Variants in SCAF8 observed in about 807,000 individuals in gnomAD.
SCAF8 encodes the protein SR-related CTD associated factor 8, also known as SR-related and CTD-associated factor 8.
In SCAF8, 23 loss-of-function variants were observed where a neutral mutation model predicts 140.5. That is an observed-to-expected ratio of 0.16 (90% CI 0.12 to 0.23). SCAF8 has a LOEUF of 0.23. Ranked by LOEUF, SCAF8 falls within the 10% of genes least tolerant of loss-of-function variation. SCAF8 has a pLI of 1.00. For synonymous variants in SCAF8, 575 were observed against 528.9 expected (o/e 1.09, Z -1.20); for missense variants, 1,397 against 1,555.7 (o/e 0.90, Z 1.72).
At position 154,773,991 on chromosome 6, in the gene SCAF8, G is replaced by A. The variant is rs757536864; in HGVS notation, c.33G>A (p.Leu11=). The A allele has an allele frequency of 1.9e-6, 3 of 1,606,162 alleles. No individual in the cohort carries two copies. Among genetic ancestry groups the A allele is most frequent in the Non-Finnish European group, 2.6e-6 (3 of 1,173,982 alleles). The change falls in exon 2 of 20, where the codon TTG becomes TTA. Residue 11 remains leucine, a splice_region_variant and synonymous_variant. Transcript: ENST00000367178. The part of the protein sequence containing the change: MEAVKTFNSE[L]YSLNDYKPPI... ...TAAATTTGTTCTTTTTTCATCAGTT[G>A]TATTCCCTGAATGACTATAAACCAC...
At position 154,775,488 on chromosome 6, in the gene SCAF8, A is replaced by G. The variant is rs183075126; in HGVS notation, c.114+1416A>G. ...GCAGAGTACTTTCTTAATAGAGTTAATGAGGTATAGGTGCAAACAGTATTT... is the reference window on the plus strand; with the variant it reads ...GCAGAGTACTTTCTTAATAGAGTTAGTGAGGTATAGGTGCAAACAGTATTT... On this transcript the variant is annotated intron_variant, in intron 2 of 19. Coordinates refer to ENST00000367178, the MANE Select transcript of SCAF8 (RefSeq NM_014892.5). 3.9e-5 allele frequency among the ~76,000 whole-genome samples: 6 copies of G among 152,312 alleles called. No homozygotes were observed. The East Asian group carries it at 1.2e-3, about 29-fold the overall frequency.
In SCAF8 at chr6:154,812,735, A is replaced by G. The variant is rs146574134; in HGVS notation, c.1420+2527A>G. ...GTGAATAATAACATTCCAGGAATCA[A>G]GTGTCCCTTCTGCATGGGATGACAA... On this transcript the variant is annotated intron_variant, in intron 12 of 19. Transcript: ENST00000367178. 9.8e-3 allele frequency among the ~76,000 whole-genome samples: 1,487 copies of G among 152,306 alleles called. 30 individuals carry two copies. Among genetic ancestry groups the G allele is most frequent in the African/African-American group, 0.034 (1,408 of 41,550 alleles).
intron 15 of SCAF8, among the ~76,000 whole-genome samples, chr6:154,821,004 C>T (rs1778406732): frequency 6.6e-6 from 1 of 152,120 alleles, no homozygotes; most frequent in Non-Finnish European, 1.5e-5. Context: ...ATTTGTTTCT[C>T]AGACCAAGGT....
intron 1 of SCAF8, among the ~76,000 whole-genome samples, chr6:154,736,391 C>A (rs1056756840): frequency 2.0e-5 from 3 of 151,696 alleles, no homozygotes; most frequent in African/African-American, 7.3e-5. Context: ...CTGCTTCAGC[C>A]TCCGGAGTAG....
At chr6:154,757,114 ATCC>A (rs1403044392) in intron 1 of SCAF8, among the ~76,000 whole-genome samples, 2 of 152,082 alleles carry the variant, frequency 1.3e-5, no homozygotes, top group Non-Finnish European at 2.9e-5. Flanking sequence ...GGTTCAAGCA[ATCC>A]TCCTGAGCAG....
chr6:154,755,259 A>G (rs1017737858), intron 1 of SCAF8, among the ~76,000 whole-genome samples: 3 of 151,886 alleles, frequency 2.0e-5, no homozygotes, highest in African/African-American at 7.3e-5. Flanking sequence ...TTATTAGATT[A>G]TTATTATTTT....
intron 3 of SCAF8, among the ~76,000 whole-genome samples, chr6:154,783,204 A>G (rs1052738558): frequency 4.6e-5 from 7 of 152,180 alleles, no homozygotes; most frequent in Admixed American, 3.3e-4. Context: ...GAGTTTACCC[A>G]ACTCTTTTTG....
intron 1 of SCAF8, among the ~76,000 whole-genome samples, chr6:154,753,479 T>TA (rs957668313): frequency 6.0e-5 from 8 of 133,810 alleles, no homozygotes; most frequent in Non-Finnish European, 8.0e-5. Context: ...AAAAATAAAT[T>TA]AAAAAAAAAA....
At chr6:154,792,771 A>AC (rs1166146118) in intron 4 of SCAF8, 52 bp from the exon 5 acceptor site, 2 of 1,333,100 alleles carry the variant, frequency 1.5e-6, no homozygotes, top group Non-Finnish European at 1.0e-6. Flanking sequence ...AAATGACTGT[A>AC]CTAAGGTTTT....
chr6:154,737,097 G>T (rs61160216), intron 1 of SCAF8, among the ~76,000 whole-genome samples: 6,137 of 152,214 alleles, frequency 0.04, 401 homozygotes, highest in African/African-American at 0.14. Context: ...CTGAGAAGTA[G>T]TTCAGTAATG....
At position 154,832,624 on chromosome 6, in the gene SCAF8, T is replaced by A; in HGVS notation, c.3045T>A (p.Asp1015Glu). The change falls in exon 20 of 20, where the codon GAT becomes GAA. Residue 1015 changes from aspartate to glutamate, a missense_variant. Physicochemically the swap from Asp to Glu is conservative, Grantham distance 45. Coordinates refer to ENST00000367178, the MANE Select transcript of SCAF8 (RefSeq NM_014892.5). ...ACATTCAACAGGAAGGAGATAGAGA[T>A]TACCGGTTTCCTCCTATAGAAACCA... Reference protein sequence around the residue: ...NDNIQQEGDRDYRFPPIETRE... With the variant: ...NDNIQQEGDREYRFPPIETRE... The A allele has an allele frequency of 6.2e-7, 1 of 1,614,054 alleles. No individual in the cohort carries two copies. The highest frequency in any genetic ancestry group is 8.5e-7 in the Non-Finnish European group (1 of 1,179,972).
chr6:154,799,988 G>T, intron 6 of SCAF8, among the ~76,000 whole-genome samples: 1 of 151,246 alleles, frequency 6.6e-6, no homozygotes, highest in Non-Finnish European at 1.5e-5. Flanking sequence ...GTTTCACCTT[G>T]TTGGCCAGGC....
At chr6:154,744,455 C>T (rs1158775238) in intron 1 of SCAF8, among the ~76,000 whole-genome samples, 1 of 152,042 alleles carries the variant, frequency 6.6e-6, no homozygotes, top group African/African-American at 2.4e-5. Flanking sequence ...TATACTCTGC[C>T]CTCTTTTTCT....
chr6:154,784,155 A>ATATTTATTTATT (rs1160861616), intron 3 of SCAF8, among the ~76,000 whole-genome samples: 27 of 92,002 alleles, frequency 2.9e-4, no homozygotes, highest in Middle Eastern at 7.0e-3. Context: ...ATATATATAT[A>ATATTTATTTATT]TATTTATTTA....
At chr6:154,810,667 A>G (rs1416292906) in intron 12 of SCAF8, among the ~76,000 whole-genome samples, 5 of 152,232 alleles carry the variant, frequency 3.3e-5, no homozygotes, top group African/African-American at 1.2e-4. Context: ...TTGCACGGTT[A>G]CATGTTAGTC....
chr6:154,820,119 C>G (rs1778373066), intron 14 of SCAF8, 58 bp from the exon 15 acceptor site: 1 of 1,335,540 alleles, frequency 7.5e-7, no homozygotes, highest in Admixed American at 2.8e-5. Flanking sequence ...AACTTTTTAC[C>G]TTGTTTTTAT....
At chr6:154,790,149 A>G (rs927297472) in intron 4 of SCAF8, among the ~76,000 whole-genome samples, 1 of 152,192 alleles carries the variant, frequency 6.6e-6, no homozygotes, top group Non-Finnish European at 1.5e-5. Flanking sequence ...AATGAAGGAC[A>G]TCGTATGTAG....
chr6:154,820,834 T>A (rs192915165), intron 15 of SCAF8, among the ~76,000 whole-genome samples: 7 of 152,316 alleles, frequency 4.6e-5, no homozygotes, highest in Non-Finnish European at 1.0e-4. Flanking sequence ...TCCCCAAAAT[T>A]ATCTTTTTAT....
intron 1 of SCAF8, among the ~76,000 whole-genome samples, chr6:154,773,075 T>TA (rs1776817820): frequency 6.6e-6 from 1 of 152,192 alleles, no homozygotes; most frequent in African/African-American, 2.4e-5. Context: ...CCTTGATTTT[T>TA]AAAAAAGTTT....
Sources: gnomAD v4.1 joint callset for allele counts (sites outside exome capture counted in the v4.1 genomes callset) on GRCh38, gnomAD v4.1.1 for gene constraint, MANE v1.5 for transcripts, NCBI Gene and HGNC (gene_info 2026-07-23, HGNC 2026-07-21) for gene names.